FAM168A: variants seen among roughly 807,000 people sequenced by gnomAD.
FAM168A encodes the protein family with sequence similarity 168 member A, also known as protein FAM168A.
In FAM168A, 3 loss-of-function variants were observed where a neutral mutation model predicts 28.5. That is an observed-to-expected ratio of 0.11 (90% CI 0.05 to 0.27). FAM168A has a LOEUF of 0.27. Among genes scored for constraint, FAM168A ranks in the 10% least tolerant of loss-of-function variants. FAM168A has a pLI of 1.00. For synonymous variants in FAM168A, 122 were observed against 124.2 expected, an observed-to-expected ratio of 0.98 and a Z score of 0.12; for missense variants, 222 against 311.5, an observed-to-expected ratio of 0.71 and a Z score of 2.16.
intron 2 of FAM168A, among the ~76,000 whole-genome samples, chr11:73,456,177 T>A (rs1197225918): frequency 6.6e-6 from 1 of 152,146 alleles, no homozygotes; most frequent in African/African-American, 2.4e-5. Flanking sequence ...ATAGAAAAGA[T>A]GTGATCACCA....
intron 2 of FAM168A, among the ~76,000 whole-genome samples, chr11:73,464,433 T>C (rs750230562): frequency 3.8e-4 from 58 of 152,154 alleles, no homozygotes; most frequent in Non-Finnish European, 4.4e-5. Context: ...CTTTTGTTAC[T>C]GTATTTGTAG....
intron 1 of FAM168A, among the ~76,000 whole-genome samples, chr11:73,575,986 T>C (rs1402366442): frequency 6.6e-6 from 1 of 152,194 alleles, no homozygotes. Context: ...CACATGAAAA[T>C]TTAAAACTCA....
At chr11:73,538,454 A>G (rs1943610739) in intron 1 of FAM168A, among the ~76,000 whole-genome samples, 1 of 152,172 alleles carries the variant, frequency 6.6e-6, no homozygotes, top group African/African-American at 2.4e-5. Context: ...ATGTTGATAG[A>G]TCTCCATTCC....
At chr11:73,566,593 G>A (rs771523411) in intron 1 of FAM168A, among the ~76,000 whole-genome samples, 9 of 152,164 alleles carry the variant, frequency 5.9e-5, no homozygotes, top group Admixed American at 2.6e-4. Context: ...CAAATTTGGT[G>A]TTGGGAAGCA....
At chr11:73,558,577 C>T (rs1943917144) in intron 1 of FAM168A, among the ~76,000 whole-genome samples, 1 of 144,422 alleles carries the variant, frequency 6.9e-6, no homozygotes, top group Admixed American at 6.9e-5. Context: ...ATATAAGGAA[C>T]TTTTATAATT....
intron 1 of FAM168A, among the ~76,000 whole-genome samples, chr11:73,555,039 T>C (rs936195845): frequency 4.6e-5 from 7 of 152,150 alleles, no homozygotes; most frequent in African/African-American, 1.7e-4. Context: ...TTGTTGAAGA[T>C]GACTAATTTA....
intron 1 of FAM168A, among the ~76,000 whole-genome samples, chr11:73,560,148 C>T (rs572262572): frequency 2.0e-5 from 3 of 152,174 alleles, no homozygotes; most frequent in Admixed American, 6.5e-5. Flanking sequence ...ACTGCAGCCT[C>T]GACCCCTCGG....
chr11:73,502,467 G>C (rs1716978988), intron 1 of FAM168A, among the ~76,000 whole-genome samples: 1 of 152,112 alleles, frequency 6.6e-6, no homozygotes, highest in Admixed American at 6.5e-5. Context: ...TCCCTGAATA[G>C]ACTGATAAGA....
chr11:73,483,180 G>A (rs1000493833), intron 1 of FAM168A, among the ~76,000 whole-genome samples: 2 of 152,174 alleles, frequency 1.3e-5, no homozygotes, highest in African/African-American at 4.8e-5. Flanking sequence ...TTCTGCCTGA[G>A]CACATGTAAA....
chr11:73,510,482 C>T (rs963604702), intron 1 of FAM168A, among the ~76,000 whole-genome samples: 2 of 152,106 alleles, frequency 1.3e-5, no homozygotes, highest in African/African-American at 2.4e-5. Context: ...TAGGTTAGTG[C>T]AAAAGTAATT....
chr11:73,594,533 G>A, intron 1 of FAM168A, among the ~76,000 whole-genome samples: 1 of 149,152 alleles, frequency 6.7e-6, no homozygotes, highest in African/African-American at 2.6e-5. Flanking sequence ...AAGGTTTTTT[G>A]TTTGTTTTTT....
At position 73,538,175 on chromosome 11, in the gene FAM168A, A is replaced by T. The variant is rs774920446; in HGVS notation, c.-19+59748T>A. Reference sequence around the variant, plus strand: ...TCTACTACCTCATGTTAGGTTCCCCATATCTTATTTTATTCATTACTAAAT... The same window carrying T: ...TCTACTACCTCATGTTAGGTTCCCCTTATCTTATTTTATTCATTACTAAAT... On this transcript the variant is annotated intron_variant, in intron 1 of 7. Transcript: ENST00000356467. Among the ~76,000 whole-genome samples, 4 of 152,282 alleles carry T rather than the reference A, an allele frequency of 2.6e-5. No homozygotes were observed. In the East Asian group the frequency reaches 7.7e-4, roughly 29 times the overall value.
chr11:73,440,798 A>C (rs950615805), intron 2 of FAM168A, among the ~76,000 whole-genome samples: 1 of 152,248 alleles, frequency 6.6e-6, no homozygotes, highest in Non-Finnish European at 1.5e-5. Flanking sequence ...ATATGTCAGA[A>C]GATGCCATAA....
chr11:73,452,882 A>T (rs548090629), intron 2 of FAM168A, among the ~76,000 whole-genome samples: 1 of 152,258 alleles, frequency 6.6e-6, no homozygotes, highest in South Asian at 2.1e-4. Context: ...GTTACTCAAC[A>T]CTATGCTGCA....
intron 1 of FAM168A, among the ~76,000 whole-genome samples, chr11:73,536,507 G>A (rs1010873056): frequency 6.6e-6 from 1 of 152,098 alleles, no homozygotes; most frequent in Non-Finnish European, 1.5e-5. Flanking sequence ...GACCAACATG[G>A]AGAAACCCCA....
chr11:73,560,592 T>C (rs1943946724), intron 1 of FAM168A, among the ~76,000 whole-genome samples: 1 of 152,272 alleles, frequency 6.6e-6, no homozygotes, highest in Non-Finnish European at 1.5e-5. Context: ...TAAAAACAAA[T>C]GTACTCACTC....
intron 1 of FAM168A, among the ~76,000 whole-genome samples, chr11:73,515,508 CAA>C (rs61655633): frequency 1.7e-4 from 11 of 66,494 alleles, no homozygotes; most frequent in Admixed American, 3.8e-4. Flanking sequence ...AACTCTGTCT[CAA>C]AAAAAAAAAA....
intron 1 of FAM168A, among the ~76,000 whole-genome samples, chr11:73,587,344 T>C (rs537619724): frequency 3.9e-5 from 6 of 151,902 alleles, no homozygotes; most frequent in African/African-American, 9.7e-5. Flanking sequence ...ATACAAAAAT[T>C]AGCCGGGCAT....
At chr11:73,596,107 G>GT (rs1406055804) in intron 1 of FAM168A, among the ~76,000 whole-genome samples, 1 of 152,130 alleles carries the variant, frequency 6.6e-6, no homozygotes, top group Non-Finnish European at 1.5e-5. Context: ...TAAAGAGGGG[G>GT]TAAAAAAGGC....
Sources: gnomAD v4.1 joint callset for allele counts (sites outside exome capture counted in the v4.1 genomes callset) on GRCh38, gnomAD v4.1.1 for gene constraint, MANE v1.5 for transcripts, NCBI Gene and HGNC (gene_info 2026-07-23, HGNC 2026-07-21) for gene names.